ZMYM2: variants seen among roughly 807,000 people sequenced by gnomAD.
ZMYM2 encodes zinc finger MYM-type containing 2.
In ZMYM2, 56 loss-of-function variants were observed where a neutral mutation model predicts 162.8. That is an observed-to-expected ratio of 0.34 (90% CI 0.28 to 0.43). ZMYM2 has a LOEUF of 0.43. ZMYM2 is among the 20% of genes least tolerant of loss of function. The probability of loss-of-function intolerance (pLI) is 1.00; values close to 1 mark genes in which losing one functional copy is unlikely to be tolerated. For synonymous variants in ZMYM2, 510 were observed against 541.6 expected, an observed-to-expected ratio of 0.94 and a Z score of 0.81; for missense variants, 1,275 against 1,621.8, an observed-to-expected ratio of 0.79 and a Z score of 3.67.
chr13:19,994,428 A>G (rs1253179439), intron 3 of ZMYM2, among the ~76,000 whole-genome samples: 1 of 152,240 alleles, frequency 6.6e-6, no homozygotes, highest in East Asian at 1.9e-4. Context: ...TATATAAATT[A>G]GAGAACCAAA....
intron 2 of ZMYM2, among the ~76,000 whole-genome samples, chr13:19,977,505 T>C (rs936365777): frequency 1.3e-5 from 2 of 151,988 alleles, no homozygotes; most frequent in Non-Finnish European, 2.9e-5. Context: ...TCTTTTTTTT[T>C]TTTTTGAGAC....
chr13:20,034,228 T>TA, intron 10 of ZMYM2, 26 bp from the exon 11 acceptor site: 1 of 1,555,966 alleles, frequency 6.4e-7, no homozygotes. Flanking sequence ...GTCATATACT[T>TA]ACCAAGGTTC....
chr13:19,939,638 C>T, the ZMYM2 span, among the ~76,000 whole-genome samples: 1 of 151,828 alleles, frequency 6.6e-6, no homozygotes, highest in African/African-American at 2.4e-5. Context: ...TTTGTGACAG[C>T]AAAAAATTGA....
At chr13:20,006,948 A>C (rs1388018387) in intron 6 of ZMYM2, among the ~76,000 whole-genome samples, 3 of 152,196 alleles carry the variant, frequency 2.0e-5, no homozygotes, top group African/African-American at 7.2e-5. Context: ...CTTAGGGAAC[A>C]TCTGTGTATG....
At chr13:19,957,097 A>T (rs1281707082), upstream of ZMYM2, among the ~76,000 whole-genome samples, 1 of 152,158 alleles carries the variant, frequency 6.6e-6, no homozygotes, top group Non-Finnish European at 1.5e-5. Flanking sequence ...AATAAAAGAG[A>T]ACAGTGTATT....
the ZMYM2 span, among the ~76,000 whole-genome samples, chr13:19,933,395 A>G: frequency 6.6e-6 from 1 of 152,304 alleles, no homozygotes; most frequent in East Asian, 1.9e-4. Flanking sequence ...AAATATCTGT[A>G]TATTAACTGT....
intron 2 of ZMYM2, among the ~76,000 whole-genome samples, chr13:19,967,623 A>G (rs1218441154): frequency 1.3e-5 from 2 of 152,252 alleles, no homozygotes; most frequent in Admixed American, 1.3e-4. Flanking sequence ...AACTATTAAA[A>G]ACAATTTTGC....
At chr13:19,872,031 A>G in the ZMYM2 span, among the ~76,000 whole-genome samples, 2 of 151,926 alleles carry the variant, frequency 1.3e-5, no homozygotes, top group African/African-American at 4.8e-5. Flanking sequence ...GTGCAATGGT[A>G]TAATCACAGC....
chr13:20,046,661 G>GTA (rs1297238806), intron 12 of ZMYM2, among the ~76,000 whole-genome samples: 1 of 146,550 alleles, frequency 6.8e-6, no homozygotes, highest in African/African-American at 2.6e-5. Context: ...GTATATGTGT[G>GTA]TATATATATG....
chr13:19,902,224 A>T, the ZMYM2 span, among the ~76,000 whole-genome samples: 1 of 152,200 alleles, frequency 6.6e-6, no homozygotes, highest in Non-Finnish European at 1.5e-5. Flanking sequence ...TAGAATGATG[A>T]TTGCCAGTGA....
At chr13:20,045,049 C>CAAAAAA (rs933854935) in intron 12 of ZMYM2, among the ~76,000 whole-genome samples, 3,182 of 47,386 alleles carry the variant, frequency 0.067, 213 homozygotes, top group African/African-American at 0.11. Flanking sequence ...GACTCTGTGT[C>CAAAAAA]AAAAAAAAAA....
At chr13:20,000,402 A>G (rs193229802) in intron 3 of ZMYM2, among the ~76,000 whole-genome samples, 18 of 152,354 alleles carry the variant, frequency 1.2e-4, no homozygotes, top group Admixed American at 3.3e-4. Flanking sequence ...TGTAGGTGGC[A>G]ACATGAAACA....
chr13:19,947,143 G>T, the ZMYM2 span, among the ~76,000 whole-genome samples: 1 of 152,054 alleles, frequency 6.6e-6, no homozygotes, highest in African/African-American at 2.4e-5. Flanking sequence ...CTGGGTTCAC[G>T]CCATTCTCCT....
At chr13:20,067,210 C>T in intron 20 of ZMYM2, 29 bp from the exon 21 acceptor site, 1 of 1,496,932 alleles carries the variant, frequency 6.7e-7, no homozygotes. Flanking sequence ...TAAATAATAA[C>T]AATTATTTTT....
intron 3 of ZMYM2, among the ~76,000 whole-genome samples, chr13:19,994,671 A>AT (rs570874936): frequency 1.6e-4 from 24 of 151,900 alleles, no homozygotes; most frequent in Admixed American, 1.6e-3. Flanking sequence ...TGTATTTTGT[A>AT]TGGGGTTTTA....
At chr13:19,888,326 T>A in the ZMYM2 span, among the ~76,000 whole-genome samples, 1 of 151,810 alleles carries the variant, frequency 6.6e-6, no homozygotes, top group African/African-American at 2.4e-5. Context: ...TAGCTAGGAC[T>A]ACAGGTATGC....
intron 22 of ZMYM2, 92 bp downstream of exon 22, chr13:20,082,222 T>A: frequency 1.1e-6 from 1 of 935,690 alleles, no homozygotes; most frequent in Non-Finnish European, 1.6e-6. Flanking sequence ...TTAAGTCACT[T>A]AAATTAGATA....
rs57294389 is a variant in ZMYM2, at chr13:20,032,599, C to CTT, written c.1968+1190_1968+1191dup. 8.4e-3 allele frequency among the ~76,000 whole-genome samples: 554 copies of CTT among 66,040 alleles called. 59 individuals are homozygous for CTT. Among genetic ancestry groups the CTT allele is most frequent in the African/African-American group, 0.012 (178 of 14,760 alleles). The allele number at this position is 66,040 out of a possible 152,430, so 43.3% of individuals were successfully genotyped here. A position where few individuals can be genotyped will look rare whatever the true frequency, so the allele number is the denominator to read the frequency against. On this transcript the variant is annotated intron_variant, in intron 10 of 24. Coordinates refer to ENST00000610343, the MANE Select transcript of ZMYM2 (RefSeq NM_197968.4). ...CTGGATTACATGATTTTTTTTCTGT[C>CTT]TTTTTTTTTTTTTTTTTTTTTTTTT...
At chr13:20,062,815 G>T in intron 17 of ZMYM2, 31 bp from the exon 18 acceptor site, 3 of 1,502,202 alleles carry the variant, frequency 2.0e-6, no homozygotes, top group Non-Finnish European at 2.7e-6. Context: ...TTTCTGTTTT[G>T]ATTCCTAATG....
Sources: allele counts gnomAD v4.1 joint callset (sites outside exome capture counted in the v4.1 genomes callset), GRCh38; gene constraint gnomAD v4.1.1; transcripts MANE v1.5; gene names NCBI Gene and HGNC (gene_info 2026-07-23, HGNC 2026-07-21).